MTF1: variants seen among roughly 807,000 people sequenced by gnomAD.
MTF1 encodes the protein MRE-binding transcription factor.
MTF1 carries 22 observed loss-of-function variants against 70.4 expected under a neutral mutation model. The observed-to-expected ratio is 0.31, with a 90% confidence interval of 0.22 to 0.45. The LOEUF is 0.45. MTF1 is among the 20% of genes least tolerant of loss of function. The pLI, the probability that MTF1 is intolerant of heterozygous loss-of-function variation, is 1.00. For missense variants in MTF1, 649 were observed against 922.0 expected, an observed-to-expected ratio of 0.70 and a Z score of 3.83; for synonymous variants, 333 against 352.8, an observed-to-expected ratio of 0.94 and a Z score of 0.63.
rs747916478 is a variant in MTF1, at chr1:37,811,518, T to C, written c.*3618A>G. ...TATGTATATATACACACAAAAGAAATTGCAGCAATCGGGTTAAAGATAAAA... is the reference window on the plus strand; with the variant it reads ...TATGTATATATACACACAAAAGAAACTGCAGCAATCGGGTTAAAGATAAAA... On this transcript the variant is annotated 3_prime_UTR_variant, in exon 11 of 11. Coordinates refer to ENST00000373036, the MANE Select transcript of MTF1 (RefSeq NM_005955.3). 1.3e-5 allele frequency: 2 copies of C among 152,560 alleles called. No homozygotes were observed. Among genetic ancestry groups the C allele is most frequent in the African/African-American group, 2.4e-5 (1 of 41,460 alleles). The allele number at this position is 152,560 out of a possible 1,614,324, so 9.5% of individuals were successfully genotyped here.
intron 4 of MTF1, 46 bp downstream of exon 4, chr1:37,838,579 C>T (rs1264085612): frequency 1.3e-6 from 2 of 1,559,162 alleles, no homozygotes; most frequent in Admixed American, 3.6e-5. Context: ...ATCAAGACCC[C>T]CAGCTGAAAC....
Position 37,814,935 on chromosome 1 carries a change from TTTTG to T in MTF1, c.*197_*200del. The stretch of plus-strand genomic sequence containing the variant: ...ATAACTTAGCTTTTTTTGTTGTTTT[TTTTG>T]TTTTTTGTTTTTTTCCAAAGAATAG... On this transcript the variant is annotated 3_prime_UTR_variant, in exon 11 of 11. Coordinates refer to ENST00000373036, the MANE Select transcript of MTF1 (RefSeq NM_005955.3). 3.6e-6 allele frequency: 2 copies of T among 555,480 alleles called. No individual in the cohort carries two copies. The highest frequency in any genetic ancestry group is 5.9e-5 in the East Asian group (2 of 34,046). The allele number at this position is 555,480 out of a possible 1,614,324, so 34.4% of individuals were successfully genotyped here. A position where few individuals can be genotyped will look rare whatever the true frequency, so the allele number is the denominator to read the frequency against.
Position 37,822,228 on chromosome 1 carries a change from G to A in MTF1, c.1660C>T (p.Pro554Ser). 1 of 1,614,184 alleles carries A rather than the reference G, an allele frequency of 6.2e-7. No homozygotes were observed. Among genetic ancestry groups the A allele is most frequent in the Non-Finnish European group, 8.5e-7 (1 of 1,180,030 alleles). Residue 554 changes from proline (P) to serine (S), a missense_variant, in exon 9 of 11, where the codon CCA becomes TCA. Coordinates refer to ENST00000373036, the MANE Select transcript of MTF1 (RefSeq NM_005955.3). Reference sequence around the variant, plus strand: ...TGCAGGATAGCTGTGTTGGGAGTTGGGGTGATGGTTATTGTGGGATTATTA... The same window carrying A: ...TGCAGGATAGCTGTGTTGGGAGTTGAGGTGATGGTTATTGTGGGATTATTA... The part of the protein sequence containing the change: ...LTNNPTITIT[P>S]TPNTAILQSS...
intron 4 of MTF1, among the ~76,000 whole-genome samples, chr1:37,836,918 T>G: frequency 7.3e-6 from 1 of 136,148 alleles, no homozygotes. Context: ...GAAATCAGAG[T>G]CCTCTCAGCA....
At chr1:37,822,085 T>C in intron 9 of MTF1, 36 bp downstream of exon 9, 3 of 1,493,888 alleles carry the variant, frequency 2.0e-6, no homozygotes, top group African/African-American at 1.4e-5. Flanking sequence ...GTAAATACAC[T>C]TCACCCCACT....
At chr1:37,828,173 T>TAA (rs554470681) in intron 7 of MTF1, 2,392 of 310,462 alleles carry the variant, frequency 7.7e-3, no homozygotes, top group Admixed American at 0.01. Context: ...ATAAAAGCAT[T>TAA]AAAAAAAAAA....
intron 2 of MTF1, among the ~76,000 whole-genome samples, chr1:37,854,423 A>G (rs533258558): frequency 2.2e-4 from 33 of 152,298 alleles, no homozygotes; most frequent in African/African-American, 7.2e-4. Flanking sequence ...CAGCACTATC[A>G]CTATTTTGGG....
chr1:37,843,960 C>A (rs561781329), intron 2 of MTF1, among the ~76,000 whole-genome samples: 5 of 148,884 alleles, frequency 3.4e-5, no homozygotes, highest in African/African-American at 4.9e-5. Flanking sequence ...TCTCTTTCCA[C>A]TGCCACACAG....
intron 9 of MTF1, among the ~76,000 whole-genome samples, chr1:37,818,231 T>G (rs1183669243): frequency 2.0e-5 from 3 of 152,178 alleles, no homozygotes; most frequent in Non-Finnish European, 4.4e-5. Flanking sequence ...ATGAATGAAT[T>G]AATTCACTCA....
chr1:37,836,365 CA>C (rs1306197632), intron 4 of MTF1, among the ~76,000 whole-genome samples: 1 of 152,122 alleles, frequency 6.6e-6, no homozygotes, highest in Non-Finnish European at 1.5e-5. Context: ...AAAAATCTGC[CA>C]GTGGAACATT....
intron 2 of MTF1, chr1:37,841,386 C>T (rs1233787343): frequency 6.5e-6 from 1 of 153,372 alleles, no homozygotes; most frequent in Non-Finnish European, 1.5e-5. Context: ...TGCCTTATCC[C>T]TCCCCCACCC....
At chr1:37,841,611 T>A in intron 2 of MTF1, 1 of 177,396 alleles carries the variant, frequency 5.6e-6, no homozygotes, top group African/African-American at 2.3e-5. Context: ...AGGAATTCAC[T>A]GACCACCTCA....
chr1:37,819,951 CAAA>C (rs766621404), intron 9 of MTF1, among the ~76,000 whole-genome samples: 8 of 82,676 alleles, frequency 9.7e-5, no homozygotes, highest in African/African-American at 4.1e-4. Flanking sequence ...GACTCTGACT[CAAA>C]AAAAAAAAAA....
chr1:37,817,128 T>A (rs746436226), intron 10 of MTF1, among the ~76,000 whole-genome samples: 11 of 152,242 alleles, frequency 7.2e-5, no homozygotes, highest in Non-Finnish European at 1.3e-4. Flanking sequence ...CTCTTTAGCA[T>A]TAGCTGTGAT....
intron 3 of MTF1, 44 bp from the exon 4 acceptor site, chr1:37,838,800 T>TTTTTTTTTTTTTTTTTTTTTTG (rs1641210999): frequency 9.5e-7 from 1 of 1,049,826 alleles, no homozygotes; most frequent in Non-Finnish European, 1.3e-6. Flanking sequence ...TAAAATTCTT[T>TTTTTTTTTTTTTTTTTTTTTTG]TTTTTTTTTT....
intron 9 of MTF1, among the ~76,000 whole-genome samples, chr1:37,819,361 G>A (rs1042103769): frequency 1.3e-5 from 2 of 152,134 alleles, no homozygotes; most frequent in East Asian, 1.9e-4. Context: ...GGTGGCTCAC[G>A]CCTGTAATCC....
In MTF1 at chr1:37,828,252, T is replaced by C. The variant is rs1390697253; in HGVS notation, c.1068+3993A>G. On this transcript the variant is annotated intron_variant, in intron 7 of 10. Coordinates refer to ENST00000373036, the MANE Select transcript of MTF1 (RefSeq NM_005955.3). ...GTTGTCTGCAGGGAGAGATCATGGC[T>C]TTTGGGGGTATGTGAGGGGGGGGCC... 2.0e-5 allele frequency: 7 copies of C among 344,126 alleles called. No homozygotes were observed. The East Asian group carries it at 6.2e-4, about 30-fold the overall frequency. The allele number at this position is 344,126 out of a possible 1,614,324, so 21.3% of individuals were successfully genotyped here.
intron 10 of MTF1, 53 bp downstream of exon 10, chr1:37,817,366 C>T: frequency 9.1e-7 from 1 of 1,101,232 alleles, no homozygotes; most frequent in Non-Finnish European, 1.4e-6. Context: ...TTAGCTGTGC[C>T]TCAAGGGACC....
intron 2 of MTF1, among the ~76,000 whole-genome samples, chr1:37,852,305 G>A (rs901449315): frequency 6.6e-6 from 1 of 152,148 alleles, no homozygotes; most frequent in Admixed American, 6.5e-5. Flanking sequence ...ATTTGTTCAT[G>A]TTACTTTTCT....
Sources: gnomAD v4.1 joint callset for allele counts (sites outside exome capture counted in the v4.1 genomes callset) on GRCh38, gnomAD v4.1.1 for gene constraint, MANE v1.5 for transcripts, NCBI Gene and HGNC (gene_info 2026-07-23, HGNC 2026-07-21) for gene names.